Variants in NEGR1 observed in about 807,000 individuals in gnomAD.
NEGR1 encodes the protein IgLON family member 4.
In NEGR1, 10 loss-of-function variants were observed where a neutral mutation model predicts 40.9. The observed-to-expected ratio is 0.24, with a 90% confidence interval of 0.15 to 0.42. The LOEUF is 0.42. NEGR1 is among the 10% of genes least tolerant of loss of function. NEGR1 has a pLI of 1.00. For missense variants in NEGR1, 352 were observed against 438.9 expected (o/e 0.80, Z 1.77); for synonymous variants, 185 against 166.8 (o/e 1.11, Z -0.84).
rs902222445 is a variant in NEGR1, at chr1:71,439,365, G to A, written c.941-31795C>T. On this transcript the variant is annotated intron_variant, in intron 6 of 6. Transcript: ENST00000357731. The stretch of plus-strand genomic sequence containing the variant: ...CTTTCCTTCAATAATGTTTTTGTTT[G>A]TTCGTTTTTGTTTTTGAGACAGGAT... Among the ~76,000 whole-genome samples the A allele has an allele frequency of 2.0e-5, 3 of 152,188 alleles. No homozygotes were observed. In the South Asian group the frequency reaches 6.2e-4, roughly 32 times the overall value.
chr1:72,141,503 T>A (rs1570031427), intron 1 of NEGR1, among the ~76,000 whole-genome samples: 1 of 151,922 alleles, frequency 6.6e-6, no homozygotes, highest in East Asian at 1.9e-4. Context: ...TTTGAATGAG[T>A]TATCATCTTC....
chr1:71,562,928 A>G (rs996031221), intron 6 of NEGR1, among the ~76,000 whole-genome samples: 1 of 151,938 alleles, frequency 6.6e-6, no homozygotes, highest in African/African-American at 2.4e-5. Flanking sequence ...CATAACCATT[A>G]GTAGTTCTTG....
intron 1 of NEGR1, among the ~76,000 whole-genome samples, chr1:72,117,176 A>T (rs1330322195): frequency 2.0e-5 from 3 of 151,848 alleles, no homozygotes; most frequent in Admixed American, 6.6e-5. Context: ...GTGGAGCAAC[A>T]ATGGTCCATT....
At position 72,054,662 on chromosome 1, in the gene NEGR1, G is replaced by GGTA. The variant is rs1307501270; in HGVS notation, c.177-119354_177-119352dup. ...AGGATAGTGTCCACCAAAAGCACAT[G>GGTA]GTATCTCATTACAAATTTGCTGTTG... is the stretch of plus-strand genomic sequence containing the variant. On this transcript the variant is annotated intron_variant, in intron 1 of 6. Transcript: ENST00000357731. 4.6e-5 allele frequency among the ~76,000 whole-genome samples: 7 copies of GGTA among 151,108 alleles called. No homozygotes were observed. In the East Asian group the frequency reaches 1.4e-3, roughly 30 times the overall value.
intron 1 of NEGR1, among the ~76,000 whole-genome samples, chr1:72,098,589 C>A (rs1472232884): frequency 1.3e-5 from 2 of 152,120 alleles, no homozygotes; most frequent in Non-Finnish European, 2.9e-5. Context: ...ACCTACTTTG[C>A]AAGACCTACG....
At chr1:72,137,520 T>C (rs1043136656) in intron 1 of NEGR1, among the ~76,000 whole-genome samples, 1 of 147,758 alleles carries the variant, frequency 6.8e-6, no homozygotes, top group Non-Finnish European at 1.5e-5. Flanking sequence ...CTGCATGTTG[T>C]CACTCATAAG....
At chr1:72,110,017 G>A (rs1325631680) in intron 1 of NEGR1, among the ~76,000 whole-genome samples, 1 of 151,518 alleles carries the variant, frequency 6.6e-6, no homozygotes, top group Non-Finnish European at 1.5e-5. Context: ...TGATAGGAAA[G>A]CAAAGATTTA....
intron 3 of NEGR1, among the ~76,000 whole-genome samples, chr1:71,714,469 C>A (rs1482909247): frequency 6.6e-6 from 1 of 152,170 alleles, no homozygotes; most frequent in African/African-American, 2.4e-5. Flanking sequence ...AAGTCTGAAT[C>A]CAAAGTCTCA....
chr1:71,697,924 CA>C (rs1370473248), intron 4 of NEGR1, 83 bp downstream of exon 4: 6 of 1,352,116 alleles, frequency 4.4e-6, no homozygotes, highest in Middle Eastern at 1.9e-4. Context: ...CTCTTAAAAA[CA>C]GCAACATAAA....
At chr1:72,165,717 T>G (rs924604955) in intron 1 of NEGR1, among the ~76,000 whole-genome samples, 7 of 152,014 alleles carry the variant, frequency 4.6e-5, no homozygotes, top group Non-Finnish European at 7.4e-5. Flanking sequence ...ATCTAAATAC[T>G]TATAAAACTA....
intron 6 of NEGR1, among the ~76,000 whole-genome samples, chr1:71,493,574 C>T (rs796098402): frequency 5.3e-5 from 8 of 152,242 alleles, no homozygotes; most frequent in African/African-American, 1.9e-4. Flanking sequence ...TAAACATATA[C>T]TGTTTCCATA....
chr1:71,897,693 C>A (rs868493715), intron 2 of NEGR1, among the ~76,000 whole-genome samples: 2 of 151,992 alleles, frequency 1.3e-5, no homozygotes, highest in African/African-American at 2.4e-5. Flanking sequence ...AAGATGATTC[C>A]ACAATAAAGG....
intron 1 of NEGR1, among the ~76,000 whole-genome samples, chr1:72,183,581 C>T (rs1322212675): frequency 6.6e-6 from 1 of 152,066 alleles, no homozygotes; most frequent in Non-Finnish European, 1.5e-5. Context: ...AAAATCTAAA[C>T]TGAAACACTA....
At chr1:72,112,844 G>C (rs1224548767) in intron 1 of NEGR1, among the ~76,000 whole-genome samples, 1 of 151,378 alleles carries the variant, frequency 6.6e-6, no homozygotes, top group African/African-American at 2.4e-5. Context: ...CCTGACATGG[G>C]TTTTGGGGGA....
intron 1 of NEGR1, among the ~76,000 whole-genome samples, chr1:72,088,355 A>G (rs1291902821): frequency 2.6e-5 from 4 of 152,160 alleles, no homozygotes; most frequent in African/African-American, 9.7e-5. Context: ...TCTACAGGTG[A>G]TTTTCATAAA....
At chr1:71,445,324 T>C (rs1646574329) in intron 6 of NEGR1, among the ~76,000 whole-genome samples, 1 of 151,680 alleles carries the variant, frequency 6.6e-6, no homozygotes, top group Non-Finnish European at 1.5e-5. Context: ...AAAAAATAGC[T>C]TACACTGTCA....
chr1:71,950,315 A>G (rs2554405), intron 1 of NEGR1, among the ~76,000 whole-genome samples: 5,552 of 152,090 alleles, frequency 0.037, 339 homozygotes, highest in African/African-American at 0.13. Context: ...AATTTGTAGC[A>G]AGCATAACAC....
intron 2 of NEGR1, among the ~76,000 whole-genome samples, chr1:71,802,044 G>A (rs1345294681): frequency 6.6e-6 from 1 of 152,074 alleles, no homozygotes; most frequent in African/African-American, 2.4e-5. Context: ...GCAAATACTT[G>A]GCTGAATTGT....
chr1:72,227,625 C>T (rs1194393388), intron 1 of NEGR1, among the ~76,000 whole-genome samples: 1 of 152,068 alleles, frequency 6.6e-6, no homozygotes, highest in East Asian at 1.9e-4. Flanking sequence ...TAAGCTTAGA[C>T]TCTTCCTTTA....
Sources: gnomAD v4.1 joint callset for allele counts (sites outside exome capture counted in the v4.1 genomes callset) on GRCh38, gnomAD v4.1.1 for gene constraint, MANE v1.5 for transcripts, NCBI Gene and HGNC (gene_info 2026-07-23, HGNC 2026-07-21) for gene names.